PRKCB: variants seen among roughly 807,000 people sequenced by gnomAD.
PRKCB encodes protein kinase C beta type.
A neutral mutation model predicts 81.5 loss-of-function variants in PRKCB; 13 were observed. The ratio of observed to expected loss-of-function variants is 0.16; its 90% CI spans 0.10 to 0.25. The LOEUF (loss-of-function observed/expected upper bound fraction) is 0.25. Ranked by LOEUF, PRKCB falls within the 10% of genes least tolerant of loss-of-function variation. The pLI, the probability that PRKCB is intolerant of heterozygous loss-of-function variation, is 1.00. For missense variants in PRKCB, 509 were observed against 875.7 expected, an observed-to-expected ratio of 0.58 and a Z score of 5.29; for synonymous variants, 335 against 321.4, an observed-to-expected ratio of 1.04 and a Z score of -0.45.
At chr16:24,189,641 CAAAAAAAAAAA>C (rs10605364) in intron 15 of PRKCB, among the ~76,000 whole-genome samples, 6 of 83,336 alleles carry the variant, frequency 7.2e-5, no homozygotes, top group South Asian at 4.1e-4. Flanking sequence ...GACTCCGTCT[CAAAAAAAAAAA>C]AAAAAAAAAA....
chr16:24,080,470 C>G (rs923060641), intron 5 of PRKCB, among the ~76,000 whole-genome samples: 2 of 152,040 alleles, frequency 1.3e-5, no homozygotes, highest in Non-Finnish European at 1.5e-5. Flanking sequence ...TAGTTCAACA[C>G]TCACTAAGAC....
chr16:24,103,601 G>A (rs1966537699), intron 7 of PRKCB, among the ~76,000 whole-genome samples: 1 of 152,106 alleles, frequency 6.6e-6, no homozygotes, highest in South Asian at 2.1e-4. Context: ...GTACAAATTT[G>A]TTACCTGGGT....
At chr16:24,078,800 G>A (rs1290892090) in intron 5 of PRKCB, among the ~76,000 whole-genome samples, 2 of 152,198 alleles carry the variant, frequency 1.3e-5, no homozygotes, top group Non-Finnish European at 2.9e-5. Context: ...GTCAGAGTAA[G>A]TGTGGAGCAA....
chr16:24,088,821 A>G (rs1031993094), intron 5 of PRKCB, among the ~76,000 whole-genome samples: 3 of 152,172 alleles, frequency 2.0e-5, no homozygotes, highest in African/African-American at 7.2e-5. Flanking sequence ...AAAGAGCTGT[A>G]AATTCCTTAA....
intron 16 of PRKCB, among the ~76,000 whole-genome samples, chr16:24,204,015 G>A (rs572252532): frequency 3.3e-5 from 5 of 151,990 alleles, no homozygotes; most frequent in South Asian, 2.1e-4. Flanking sequence ...ATTGGGATGG[G>A]AATATGGGTA....
At chr16:24,068,687 A>G (rs1378616404) in intron 5 of PRKCB, among the ~76,000 whole-genome samples, 1 of 152,256 alleles carries the variant, frequency 6.6e-6, no homozygotes, top group African/African-American at 2.4e-5. Flanking sequence ...GTAAAAATTG[A>G]ATGTTAACAT....
At chr16:23,999,773 G>T (rs1197187369) in intron 3 of PRKCB, among the ~76,000 whole-genome samples, 2 of 152,214 alleles carry the variant, frequency 1.3e-5, no homozygotes, top group Non-Finnish European at 1.5e-5. Flanking sequence ...AGAAACAGAG[G>T]AGTTGTCTCT....
intron 8 of PRKCB, among the ~76,000 whole-genome samples, chr16:24,121,384 T>C (rs1026408268): frequency 1.3e-5 from 2 of 152,184 alleles, no homozygotes; most frequent in East Asian, 3.9e-4. Context: ...GATTTGTTTG[T>C]TGGTTTGTTT....
chr16:24,090,808 C>T (rs1265099958), intron 5 of PRKCB, among the ~76,000 whole-genome samples: 4 of 152,066 alleles, frequency 2.6e-5, no homozygotes, highest in South Asian at 2.1e-4. Context: ...GGCTCCAGAG[C>T]GTGACCATGG....
rs1966232719 is a variant in PRKCB, at chr16:24,080,308, C to T, written c.530-12483C>T. ...ATAATCACAGTAATTCTATGGCACA[C>T]TTATTATTGTTCAGATGGCAGTGAT... On this transcript the variant is annotated intron_variant, in intron 5 of 16. Coordinates refer to ENST00000643927, the MANE Select transcript of PRKCB (RefSeq NM_002738.7). Among the ~76,000 whole-genome samples the T allele has an allele frequency of 2.6e-5, 4 of 152,290 alleles. No homozygotes were observed. The South Asian group carries it at 8.3e-4, about 32-fold the overall frequency.
chr16:23,943,548 A>G lies in PRKCB; in HGVS notation c.206-44960A>G, dbSNP rs111833179. 7.2e-3 allele frequency among the ~76,000 whole-genome samples: 1,096 copies of G among 152,270 alleles called. 1 individual carries two copies. Among genetic ancestry groups the G allele is most frequent in the Middle Eastern group, 0.031 (9 of 294 alleles). On this transcript the variant is annotated intron_variant, in intron 2 of 16. Coordinates refer to ENST00000643927, the MANE Select transcript of PRKCB (RefSeq NM_002738.7). ...TCTCTCTCTCTCTTTTTAAAGATACATGTGTGAATGTGTCTTATTTAACTA... is the reference window on the plus strand; with the variant it reads ...TCTCTCTCTCTCTTTTTAAAGATACGTGTGTGAATGTGTCTTATTTAACTA...
At chr16:23,959,585 A>T (rs1964396348) in intron 2 of PRKCB, among the ~76,000 whole-genome samples, 1 of 152,350 alleles carries the variant, frequency 6.6e-6, no homozygotes, top group African/African-American at 2.4e-5. Context: ...ACAGAAATAG[A>T]TACAAACTTG....
At chr16:23,922,459 G>C (rs1232758797) in intron 2 of PRKCB, among the ~76,000 whole-genome samples, 2 of 152,146 alleles carry the variant, frequency 1.3e-5, no homozygotes, top group South Asian at 2.1e-4. Context: ...ATGTCTCTAG[G>C]CTAGATCTCT....
intron 5 of PRKCB, among the ~76,000 whole-genome samples, chr16:24,085,096 C>T (rs979263367): frequency 4.1e-5 from 6 of 147,532 alleles, no homozygotes; most frequent in African/African-American, 1.5e-4. Flanking sequence ...TAGCAATGCA[C>T]TGATGGACCA....
intron 5 of PRKCB, among the ~76,000 whole-genome samples, chr16:24,054,384 C>T (rs1022833832): frequency 6.6e-6 from 1 of 152,204 alleles, no homozygotes; most frequent in Non-Finnish European, 1.5e-5. Context: ...ATCATTTACT[C>T]CCTATGAGAT....
chr16:24,160,329 A>G (rs1240029813), intron 10 of PRKCB, among the ~76,000 whole-genome samples: 1 of 152,012 alleles, frequency 6.6e-6, no homozygotes, highest in Non-Finnish European at 1.5e-5. Flanking sequence ...GAGGCAAGCC[A>G]TTGTTATCAT....
At chr16:24,000,952 G>A (rs913928177) in intron 3 of PRKCB, among the ~76,000 whole-genome samples, 1 of 150,732 alleles carries the variant, frequency 6.6e-6, no homozygotes, top group Admixed American at 6.6e-5. Context: ...CTCAGTTTAT[G>A]TCTTTAAAAT....
intron 2 of PRKCB, among the ~76,000 whole-genome samples, chr16:23,858,096 G>GGAT (rs71959489): frequency 4.0e-5 from 6 of 151,820 alleles, no homozygotes; most frequent in South Asian, 2.1e-4. Flanking sequence ...TTGATGATGA[G>GGAT]GATGATGATG....
chr16:23,904,588 G>A (rs1230846585), intron 2 of PRKCB, among the ~76,000 whole-genome samples: 2 of 152,086 alleles, frequency 1.3e-5, no homozygotes, highest in South Asian at 2.1e-4. Context: ...GCTTGAACCC[G>A]GGAAGTGAAG....
Sources: gnomAD v4.1 joint callset for allele counts (sites outside exome capture counted in the v4.1 genomes callset) on GRCh38, gnomAD v4.1.1 for gene constraint, MANE v1.5 for transcripts, NCBI Gene and HGNC (gene_info 2026-07-23, HGNC 2026-07-21) for gene names.